TOX3: variants seen among roughly 807,000 people sequenced by gnomAD.
TOX3 encodes CAG trinucleotide repeat-containing gene F9 protein.
Under a neutral mutation model 64.3 loss-of-function variants are expected in TOX3, and 22 were observed. The observed-to-expected ratio is 0.34, with a 90% CI of 0.24 to 0.49. The LOEUF is 0.49. Among genes scored for constraint, TOX3 ranks in the 20% least tolerant of loss-of-function variants. The pLI is 0.99. For synonymous variants in TOX3, 291 were observed against 273.6 expected (o/e 1.06, Z -0.63); for missense variants, 661 against 714.4 (o/e 0.93, Z 0.85).
chr16:52,523,791 C>T (rs573246243), intron 1 of TOX3, among the ~76,000 whole-genome samples: 27 of 152,176 alleles, frequency 1.8e-4, no homozygotes, highest in Non-Finnish European at 3.7e-4. Flanking sequence ...ATTTTGAAAT[C>T]CATTGTGCCA....
At chr16:52,441,137 C>T (rs1487623824) in intron 6 of TOX3, among the ~76,000 whole-genome samples, 6 of 152,002 alleles carry the variant, frequency 3.9e-5, no homozygotes, top group Non-Finnish European at 8.8e-5. Context: ...TAGGAAAGCG[C>T]CTGGTCCATA....
At chr16:52,526,041 C>A (rs1962720706) in intron 1 of TOX3, among the ~76,000 whole-genome samples, 1 of 152,168 alleles carries the variant, frequency 6.6e-6, no homozygotes, top group Non-Finnish European at 1.5e-5. Flanking sequence ...TTGAAATATT[C>A]TCTGACATTC....
chr16:52,522,604 G>A (rs1168865924), intron 1 of TOX3, among the ~76,000 whole-genome samples: 2 of 152,178 alleles, frequency 1.3e-5, no homozygotes, highest in Non-Finnish European at 2.9e-5. Flanking sequence ...AGGCCTCTAA[G>A]TGTGTCCTCT....
At chr16:52,457,217 G>T (rs1960545872) in intron 3 of TOX3, among the ~76,000 whole-genome samples, 1 of 151,882 alleles carries the variant, frequency 6.6e-6, no homozygotes, top group African/African-American at 2.4e-5. Flanking sequence ...GCTTTGTTTT[G>T]TTTCTTTTTG....
intron 3 of TOX3, among the ~76,000 whole-genome samples, chr16:52,450,860 A>AAGGAAG (rs1567313174): frequency 4.8e-5 from 7 of 144,852 alleles, no homozygotes; most frequent in South Asian, 2.3e-4. Flanking sequence ...AAGGAAGGAA[A>AAGGAAG]AAAAGAAGAA....
intron 4 of TOX3, among the ~76,000 whole-genome samples, chr16:52,447,997 A>G (rs539386244): frequency 6.6e-6 from 1 of 152,278 alleles, no homozygotes; most frequent in South Asian, 2.1e-4. Context: ...ATTCTCTGTA[A>G]AACAATATTC....
chr16:52,472,610 C>T (rs550745584), intron 1 of TOX3, among the ~76,000 whole-genome samples: 21 of 152,282 alleles, frequency 1.4e-4, no homozygotes, highest in Non-Finnish European at 2.5e-4. Context: ...AGATCCCCTA[C>T]TCAACCATAT....
chr16:52,450,461 C>A lies in TOX3; in HGVS notation c.494G>T (p.Arg165Leu), dbSNP rs765140161. ...RSIVHMTDAARSGVMPPAQLT... is the reference protein window; with the variant it reads ...RSIVHMTDAALSGVMPPAQLT... ...CTGGGCAGGAGGCATGACCCCAGAA[C>A]GCGCAGCATCGGTCATGTGGACGAT... is the stretch of plus-strand genomic sequence containing the variant. Residue 165 changes from arginine to leucine, a missense_variant, in exon 4 of 7, where the codon CGT (arginine) becomes CTT (leucine). This residue lies in a region of TOX3 where 259 missense variants were observed against 261.2 expected (regional missense o/e 0.99). Coordinates refer to ENST00000219746, the MANE Select transcript of TOX3 (RefSeq NM_001080430.4). 1.9e-6 allele frequency: 3 copies of A among 1,613,876 alleles called. No individual in the cohort carries two copies. Among genetic ancestry groups the A allele is most frequent in the Non-Finnish European group, 2.5e-6 (3 of 1,179,894 alleles).
At chr16:52,538,867 A>G (rs1366447415) in intron 1 of TOX3, among the ~76,000 whole-genome samples, 1 of 152,190 alleles carries the variant, frequency 6.6e-6, no homozygotes, top group Non-Finnish European at 1.5e-5. Context: ...GAAACAAAGA[A>G]AATAAAACGA....
chr16:52,518,069 T>C (rs993611956), intron 1 of TOX3, among the ~76,000 whole-genome samples: 3 of 152,130 alleles, frequency 2.0e-5, no homozygotes, highest in Non-Finnish European at 2.9e-5. Flanking sequence ...CCGCATAAGA[T>C]CTGCATTTTT....
chr16:52,479,210 C>T (rs1273608812), intron 1 of TOX3, among the ~76,000 whole-genome samples: 1 of 152,048 alleles, frequency 6.6e-6, no homozygotes, highest in Non-Finnish European at 1.5e-5. Context: ...AAGACAAAAG[C>T]ACTTTGGTAG....
At chr16:52,532,967 T>A (rs1193678764) in intron 1 of TOX3, among the ~76,000 whole-genome samples, 2 of 152,136 alleles carry the variant, frequency 1.3e-5, no homozygotes, top group Non-Finnish European at 2.9e-5. Flanking sequence ...CATGAATGAT[T>A]GAAGTTTGAT....
At chr16:52,529,174 G>T (rs1962791692) in intron 1 of TOX3, among the ~76,000 whole-genome samples, 2 of 152,180 alleles carry the variant, frequency 1.3e-5, no homozygotes, top group South Asian at 4.1e-4. Context: ...GTCTCAGAGA[G>T]TATACTAATT....
At chr16:52,498,482 A>G (rs957336737) in intron 1 of TOX3, among the ~76,000 whole-genome samples, 20 of 152,246 alleles carry the variant, frequency 1.3e-4, no homozygotes, top group African/African-American at 4.8e-4. Flanking sequence ...CTGGGCTGGG[A>G]GCCCCCGCAT....
At chr16:52,533,897 T>G (rs1392565390) in intron 1 of TOX3, among the ~76,000 whole-genome samples, 1 of 152,118 alleles carries the variant, frequency 6.6e-6, no homozygotes, top group African/African-American at 2.4e-5. Flanking sequence ...CAGGAAGGAC[T>G]GTTGGAAGGA....
intron 1 of TOX3, among the ~76,000 whole-genome samples, chr16:52,501,594 AG>A (rs1266188905): frequency 1.3e-5 from 2 of 151,664 alleles, no homozygotes; most frequent in African/African-American, 4.9e-5. Context: ...CAGGAGGCGG[AG>A]GTTTCAGTGA....
intron 1 of TOX3, among the ~76,000 whole-genome samples, chr16:52,521,194 A>AT (rs996471440): frequency 3.3e-5 from 5 of 152,164 alleles, no homozygotes; most frequent in Non-Finnish European, 7.3e-5. Flanking sequence ...CCAAACTGAG[A>AT]TTTTCTCACT....
At chr16:52,496,508 T>C (rs929422400) in intron 1 of TOX3, among the ~76,000 whole-genome samples, 1 of 152,228 alleles carries the variant, frequency 6.6e-6, no homozygotes, top group Non-Finnish European at 1.5e-5. Context: ...CTCTTTGCCT[T>C]ACAAAAGAAG....
chr16:52,539,691 CTT>C lies in TOX3; in HGVS notation c.87+6944_87+6945del, dbSNP rs201679890. 7.2e-5 allele frequency among the ~76,000 whole-genome samples: 11 copies of C among 152,310 alleles called. No homozygotes were observed. The East Asian group carries it at 2.1e-3, about 29-fold the overall frequency. On this transcript the variant is annotated intron_variant, in intron 1 of 6. Transcript: ENST00000219746. ...TTGGTTGTTCAGCCCCAAACTCTCT[CTT>C]GAGTTCCAGTGCATGACTCTGTGAG...
Sources: gnomAD v4.1 joint callset for allele counts (sites outside exome capture counted in the v4.1 genomes callset) on GRCh38, gnomAD v4.1.1 for gene constraint, gnomAD v4.1.1 regional missense constraint, MANE v1.5 for transcripts, NCBI Gene and HGNC (gene_info 2026-07-23, HGNC 2026-07-21) for gene names.